Variants in DIP2C observed in about 807,000 individuals in gnomAD.
DIP2C encodes DIP2 acetate--CoA ligase C (putative).
A neutral mutation model predicts 192.4 loss-of-function variants in DIP2C; 33 were observed. The ratio of observed to expected loss-of-function variants is 0.17; its 90% confidence interval spans 0.13 to 0.23. The LOEUF is 0.23. Ranked by LOEUF, DIP2C falls within the 10% of genes least tolerant of loss-of-function variation. The pLI is 1.00. For synonymous variants in DIP2C, 979 were observed against 864.1 expected (o/e 1.13, Z -2.33); for missense variants, 1,537 against 2,110.1 (o/e 0.73, Z 5.32).
At chr10:559,856 C>G (rs1564200026) in intron 1 of DIP2C, among the ~76,000 whole-genome samples, 2 of 152,334 alleles carry the variant, frequency 1.3e-5, no homozygotes, top group South Asian at 4.1e-4. Context: ...TCCAGCCACA[C>G]CGGGTGAGAC....
intron 1 of DIP2C, among the ~76,000 whole-genome samples, chr10:527,704 T>TA (rs1319300704): frequency 6.6e-6 from 1 of 152,220 alleles, no homozygotes; most frequent in Non-Finnish European, 1.5e-5. Flanking sequence ...AAATGTTGGC[T>TA]AAGGGATACA....
chr10:671,256 G>A (rs1000452004), intron 1 of DIP2C, among the ~76,000 whole-genome samples: 7 of 152,266 alleles, frequency 4.6e-5, no homozygotes, highest in African/African-American at 1.7e-4. Flanking sequence ...CTCCAGCGTG[G>A]ACGGAGAAAA....
chr10:308,788 C>A (rs1956445867), intron 32 of DIP2C, among the ~76,000 whole-genome samples: 1 of 152,118 alleles, frequency 6.6e-6, no homozygotes, highest in African/African-American at 2.4e-5. Context: ...ACCAGAGGGC[C>A]TGATGGAAGA....
chr10:580,178 C>T (rs1588509881), intron 1 of DIP2C, among the ~76,000 whole-genome samples: 1 of 152,104 alleles, frequency 6.6e-6, no homozygotes, highest in Non-Finnish European at 1.5e-5. Context: ...AGCATGCCTA[C>T]ACATGCGTAG....
chr10:680,361 G>A (rs1831086690), intron 1 of DIP2C, among the ~76,000 whole-genome samples: 2 of 152,206 alleles, frequency 1.3e-5, no homozygotes, highest in Non-Finnish European at 2.9e-5. Flanking sequence ...AGATGCACCT[G>A]CCCCTCTCCC....
At chr10:479,233 T>G (rs977775440) in intron 2 of DIP2C, among the ~76,000 whole-genome samples, 1 of 151,990 alleles carries the variant, frequency 6.6e-6, no homozygotes, top group Admixed American at 6.6e-5. Flanking sequence ...AATTTAATAA[T>G]TTTCCTTGTA....
intron 1 of DIP2C, among the ~76,000 whole-genome samples, chr10:531,465 T>C (rs1847367049): frequency 6.6e-6 from 1 of 152,130 alleles, no homozygotes; most frequent in African/African-American, 2.4e-5. Context: ...CTCATGGTCA[T>C]GTTGTTAACA....
At chr10:418,967 T>G (rs1041377618) in intron 6 of DIP2C, 98 bp downstream of exon 6, 5 of 1,554,628 alleles carry the variant, frequency 3.2e-6, no homozygotes, top group Non-Finnish European at 4.4e-6. Flanking sequence ...CAGAACCGAT[T>G]GTACCCCAGG....
chr10:517,159 T>C (rs955386491), intron 1 of DIP2C, among the ~76,000 whole-genome samples: 6 of 152,170 alleles, frequency 3.9e-5, no homozygotes, highest in Middle Eastern at 3.4e-3. Flanking sequence ...GCTCCCATCA[T>C]ACACATCCCC....
At chr10:429,630 A>T (rs886761803) in intron 4 of DIP2C, among the ~76,000 whole-genome samples, 33 of 150,762 alleles carry the variant, frequency 2.2e-4, no homozygotes, top group Non-Finnish European at 3.5e-4. Flanking sequence ...ACATAGCTAA[A>T]ATCATACAGC....
intron 4 of DIP2C, among the ~76,000 whole-genome samples, chr10:431,431 G>C (rs1966854490): frequency 6.6e-6 from 1 of 152,132 alleles, no homozygotes. Flanking sequence ...ATTTTGGGGA[G>C]TGCTACTGGA....
At chr10:324,994 G>C (rs1490995077) in intron 31 of DIP2C, 2 of 528,064 alleles carry the variant, frequency 3.8e-6, no homozygotes, top group Admixed American at 2.0e-5. Flanking sequence ...GGCTGGGCGT[G>C]GTGGCTCATG....
At position 488,888 on chromosome 10, in the gene DIP2C, TACC is replaced by T. The variant is rs550298673; in HGVS notation, c.86-2361_86-2359del. On this transcript the variant is annotated intron_variant, in intron 1 of 36. Transcript: ENST00000280886. The stretch of plus-strand genomic sequence containing the variant: ...ACTGAAGCCAGGGTGCTCCTGCGTG[TACC>T]ACATGTACCACACACACAGACGTCT... Among the ~76,000 whole-genome samples, 209 of 152,298 alleles carry T rather than the reference TACC, an allele frequency of 1.4e-3. 1 individual carries two copies. Among genetic ancestry groups the T allele is most frequent in the African/African-American group, 4.9e-3 (204 of 41,552 alleles).
intron 32 of DIP2C, among the ~76,000 whole-genome samples, chr10:297,707 A>G (rs1004720598): frequency 6.6e-6 from 1 of 152,186 alleles, no homozygotes; most frequent in Non-Finnish European, 1.5e-5. Context: ...AAAGGAAACA[A>G]AATCACAGCT....
intron 2 of DIP2C, chr10:485,056 C>T: frequency 2.9e-6 from 4 of 1,360,712 alleles, no homozygotes; most frequent in Non-Finnish European, 3.9e-6. Flanking sequence ...ACACAGACCA[C>T]CAAGGGGACC....
rs754871559 is a variant in DIP2C at position 680,904 on chromosome 10, C to T, written c.85+8590G>A. On this transcript the variant is annotated intron_variant, in intron 1 of 36. Transcript: ENST00000280886. ...CCACGGAAATTCCAGGGAATGCAGA[C>T]CCCAGTTGCCTGGTGCAGCCACCGC... Among the ~76,000 whole-genome samples the T allele has an allele frequency of 7.7e-4, 117 of 152,176 alleles. 1 individual carries two copies. The highest frequency in any genetic ancestry group is 1.4e-3 in the Non-Finnish European group (92 of 67,990).
intron 2 of DIP2C, among the ~76,000 whole-genome samples, chr10:478,655 G>C (rs919583409): frequency 6.6e-5 from 10 of 151,080 alleles, no homozygotes; most frequent in Non-Finnish European, 5.9e-5. Flanking sequence ...CCGTGTCTGG[G>C]CATGCTAGGG....
chr10:494,554 G>A (rs1220803362), intron 1 of DIP2C, among the ~76,000 whole-genome samples: 1 of 152,172 alleles, frequency 6.6e-6, no homozygotes, highest in Non-Finnish European at 1.5e-5. Flanking sequence ...AGCAATCCAA[G>A]AGGCTGCTCA....
chr10:652,927 CCA>C lies in DIP2C; in HGVS notation c.85+36565_85+36566del, dbSNP rs1300788953. ...CCCGCCCACAGCTACCTCGCAGCAGCCACACACTGAGCCATAAACCCTCGCAA... is the reference window on the plus strand; with the variant it reads ...CCCGCCCACAGCTACCTCGCAGCAGCCACACTGAGCCATAAACCCTCGCAA... On this transcript the variant is annotated intron_variant, in intron 1 of 36. Transcript: ENST00000280886. The surrounding 1 kb of genome is among the most constrained non-coding windows in gnomAD (Gnocchi z 4.5). 6.6e-6 allele frequency among the ~76,000 whole-genome samples: 1 copy of C among 152,052 alleles called. No homozygotes were observed. The highest frequency in any genetic ancestry group is 1.5e-5 in the Non-Finnish European group (1 of 68,008).
Sources: allele counts gnomAD v4.1 joint callset (sites outside exome capture counted in the v4.1 genomes callset), GRCh38; gene constraint gnomAD v4.1.1; non-coding constraint Gnocchi (gnomAD v3.1); transcripts MANE v1.5; gene names NCBI Gene and HGNC (gene_info 2026-07-23, HGNC 2026-07-21).